Variants in XKR4 observed in about 807,000 individuals in gnomAD.
XKR4 encodes the protein XK related 4, also known as XK-related protein 4.
Under a neutral mutation model 53.9 loss-of-function variants are expected in XKR4, and 12 were observed. That is an observed-to-expected ratio of 0.22 (90% CI 0.14 to 0.36). The LOEUF (loss-of-function observed/expected upper bound fraction) is 0.36. Ranked by LOEUF, XKR4 falls within the 10% of genes least tolerant of loss-of-function variation. The pLI is 1.00. For missense variants in XKR4, 799 were observed against 859.5 expected (o/e 0.93, Z 0.88); for synonymous variants, 354 against 362.4 (o/e 0.98, Z 0.26).
intron 2 of XKR4, among the ~76,000 whole-genome samples, chr8:55,386,240 T>G (rs1405231479): frequency 6.6e-6 from 1 of 152,162 alleles, no homozygotes. Flanking sequence ...CATCACCACC[T>G]CGTGAGTTCC....
At chr8:55,334,861 T>C (rs1041816754) in intron 1 of XKR4, among the ~76,000 whole-genome samples, 2 of 152,160 alleles carry the variant, frequency 1.3e-5, no homozygotes, top group African/African-American at 4.8e-5. Flanking sequence ...TGTGTGAAAA[T>C]CAAGCACTTG....
chr8:55,510,728 G>T (rs1806613432), intron 2 of XKR4, among the ~76,000 whole-genome samples: 1 of 152,200 alleles, frequency 6.6e-6, no homozygotes, highest in East Asian at 1.9e-4. Flanking sequence ...CATATTATTA[G>T]ATGCTCTCAT....
chr8:55,348,719 CACAG>C (rs770806857), intron 1 of XKR4, among the ~76,000 whole-genome samples: 34 of 151,618 alleles, frequency 2.2e-4, no homozygotes, highest in Admixed American at 1.1e-3. Flanking sequence ...CACACACACA[CACAG>C]AGAGAGAGAT....
At position 55,293,246 on chromosome 8, in the gene XKR4, A is replaced by C. The variant is rs1009524872; in HGVS notation, c.807-64432A>C. 2.0e-5 allele frequency among the ~76,000 whole-genome samples: 3 copies of C among 152,158 alleles called. No individual in the cohort carries two copies. The South Asian group carries it at 6.2e-4, about 32-fold the overall frequency. On this transcript the variant is annotated intron_variant, in intron 1 of 2. Transcript: ENST00000327381. ...GCTACTTGGGAGGCTGAGGCAGGAG[A>C]ATCACTTGAACCCAAGAGGCAAAGG...
intron 1 of XKR4, among the ~76,000 whole-genome samples, chr8:55,183,253 T>A (rs1817337740): frequency 6.6e-6 from 1 of 151,290 alleles, no homozygotes; most frequent in Admixed American, 6.6e-5. Flanking sequence ...TTGCCTTTCT[T>A]CTGCTTGCTT....
intron 1 of XKR4, among the ~76,000 whole-genome samples, chr8:55,193,631 G>T (rs1817470825): frequency 6.6e-6 from 1 of 152,198 alleles, no homozygotes; most frequent in Admixed American, 6.5e-5. Context: ...CACTGTCGGG[G>T]TTAACAAATG....
chr8:55,162,435 CTA>C (rs972711947), intron 1 of XKR4, among the ~76,000 whole-genome samples: 1 of 152,182 alleles, frequency 6.6e-6, no homozygotes, highest in African/African-American at 2.4e-5. Context: ...ACTGAATGAA[CTA>C]TGTTTCTTAA....
chr8:55,289,638 A>AAGG (rs1563316431), intron 1 of XKR4, among the ~76,000 whole-genome samples: 4 of 122,050 alleles, frequency 3.3e-5, no homozygotes, highest in East Asian at 2.7e-4. Flanking sequence ...AGAAAGAAAG[A>AAGG]AAGAAAGAAA....
chr8:55,512,158 C>T (rs1000966835), intron 2 of XKR4, among the ~76,000 whole-genome samples: 11 of 152,200 alleles, frequency 7.2e-5, no homozygotes, highest in Admixed American at 6.6e-4. Flanking sequence ...TCCTCTAGAG[C>T]TCCACAGAAA....
chr8:55,475,493 TGCA>T (rs1408685115), intron 2 of XKR4, among the ~76,000 whole-genome samples: 1 of 152,102 alleles, frequency 6.6e-6, no homozygotes, highest in Non-Finnish European at 1.5e-5. Flanking sequence ...CAGATCTCAC[TGCA>T]GCCTCAATCT....
intron 1 of XKR4, among the ~76,000 whole-genome samples, chr8:55,345,702 C>A (rs999808892): frequency 6.6e-6 from 1 of 152,168 alleles, no homozygotes; most frequent in Non-Finnish European, 1.5e-5. Flanking sequence ...TCAGCATGAG[C>A]GGGACATTAC....
At chr8:55,450,728 A>G (rs1221062689) in intron 2 of XKR4, 49 of 582,754 alleles carry the variant, frequency 8.4e-5, no homozygotes, top group South Asian at 7.9e-4. Flanking sequence ...AAGGACAGCC[A>G]CTCCTTCTCC....
At chr8:55,185,334 C>T (rs1343927154) in intron 1 of XKR4, among the ~76,000 whole-genome samples, 4 of 152,206 alleles carry the variant, frequency 2.6e-5, no homozygotes, top group Admixed American at 2.0e-4. Context: ...GCAATAATTC[C>T]TGTTGAAAGG....
intron 2 of XKR4, chr8:55,455,149 C>T (rs1009140223): frequency 8.5e-6 from 5 of 586,508 alleles, no homozygotes; most frequent in African/African-American, 7.4e-5. Flanking sequence ...TGGGGAGGGA[C>T]GCTGGGCGGG....
chr8:55,141,935 C>A (rs1816710286), intron 1 of XKR4, among the ~76,000 whole-genome samples: 1 of 152,138 alleles, frequency 6.6e-6, no homozygotes, highest in Admixed American at 6.5e-5. Flanking sequence ...GAGCCACACG[C>A]CTGCAGGGTT....
intron 1 of XKR4, among the ~76,000 whole-genome samples, chr8:55,289,591 GA>G (rs1818956309): frequency 1.5e-5 from 1 of 67,380 alleles, no homozygotes; most frequent in Non-Finnish European, 2.7e-5. Context: ...AAGAAAGAAA[GA>G]GAAAGAAAGA....
chr8:55,141,671 C>CTCTCTCTCTCTCTCTCTCTGTGTG (rs748708972), intron 1 of XKR4, among the ~76,000 whole-genome samples: 16 of 135,302 alleles, frequency 1.2e-4, no homozygotes, highest in Admixed American at 3.8e-4. Flanking sequence ...CTCTCTCTCT[C>CTCTCTCTCTCTCTCTCTCTGTGTG]TGTGTGTGTG....
chr8:55,103,124 G>A lies in XKR4; in HGVS notation c.636G>A (p.Pro212=). The A allele has an allele frequency of 6.2e-7, 1 of 1,613,658 alleles. No individual in the cohort carries two copies. Among genetic ancestry groups the A allele is most frequent in the Non-Finnish European group, 8.5e-7 (1 of 1,180,014 alleles). The change falls in exon 1 of 3, where the codon CCG becomes CCA. Residue 212 remains proline, a synonymous_variant. Coordinates refer to ENST00000327381, the MANE Select transcript of XKR4 (RefSeq NM_052898.2). ...AAGGCGAGGCTCGTCCTTCCACGCCGCAAAGGCAAGCATCTAACGCCAGCA... is the reference window on the plus strand; with the variant it reads ...AAGGCGAGGCTCGTCCTTCCACGCCACAAAGGCAAGCATCTAACGCCAGCA... ...AGEGEARPST[P]QRQASNASKS...
intron 1 of XKR4, among the ~76,000 whole-genome samples, chr8:55,153,179 A>G (rs1167723378): frequency 6.6e-6 from 1 of 152,136 alleles, no homozygotes; most frequent in Non-Finnish European, 1.5e-5. Context: ...ACCTTTTTTG[A>G]GGGCCTCCCA....
Sources: gnomAD v4.1 joint callset for allele counts (sites outside exome capture counted in the v4.1 genomes callset) on GRCh38, gnomAD v4.1.1 for gene constraint, MANE v1.5 for transcripts, NCBI Gene and HGNC (gene_info 2026-07-23, HGNC 2026-07-21) for gene names.